The following ATP10A variants were observed in gnomAD, a reference collection of about 807,000 sequenced individuals.
ATP10A encodes ATPase phospholipid transporting 10A (putative).
ATP10A carries 111 observed loss-of-function variants against 147.8 expected under a neutral mutation model. The observed-to-expected ratio is 0.75, with a 90% confidence interval of 0.64 to 0.88. ATP10A has a LOEUF of 0.88. Among genes scored for constraint, ATP10A ranks in the 40% least tolerant of loss-of-function variants. ATP10A has a pLI of 0.00. For missense variants in ATP10A, 1,927 were observed against 1,959.0 expected (o/e 0.98, Z 0.31); for synonymous variants, 875 against 841.6 (o/e 1.04, Z -0.69).
intron 1 of ATP10A, among the ~76,000 whole-genome samples, chr15:25,803,681 C>T (rs28593663): frequency 2.6e-4 from 39 of 147,962 alleles, no homozygotes; most frequent in African/African-American, 9.4e-4. Context: ...GCTTGCACTT[C>T]CGGGACAGCC....
At chr15:25,828,972 T>C (rs797016817) in intron 1 of ATP10A, among the ~76,000 whole-genome samples, 1 of 152,142 alleles carries the variant, frequency 6.6e-6, no homozygotes, top group African/African-American at 2.4e-5. Context: ...GGCAACCTTA[T>C]TAATAAAGCT....
chr15:25,764,609 G>A (rs1036126526), intron 2 of ATP10A, among the ~76,000 whole-genome samples: 1 of 152,156 alleles, frequency 6.6e-6, no homozygotes, highest in Non-Finnish European at 1.5e-5. Context: ...ATCTACTGGC[G>A]CCTCAATCTT....
intron 1 of ATP10A, among the ~76,000 whole-genome samples, chr15:25,854,663 G>A (rs11632996): frequency 0.29 from 44,151 of 151,922 alleles, 6,654 homozygotes; most frequent in Middle Eastern, 0.39. Context: ...TTACAACTCC[G>A]CACAAAGAAA....
intron 2 of ATP10A, among the ~76,000 whole-genome samples, chr15:25,761,328 G>A (rs905381667): frequency 9.2e-5 from 14 of 152,340 alleles, no homozygotes; most frequent in Admixed American, 3.3e-4. Flanking sequence ...ACATACCCGA[G>A]ACTGGGTAAT....
intron 1 of ATP10A, among the ~76,000 whole-genome samples, chr15:25,808,532 G>A (rs901195926): frequency 6.6e-6 from 1 of 152,198 alleles, no homozygotes; most frequent in African/African-American, 2.4e-5. Flanking sequence ...TTACAGGCAT[G>A]CGCCACCACG....
chr15:25,724,230 C>T (rs942320365), intron 5 of ATP10A, among the ~76,000 whole-genome samples: 1 of 152,188 alleles, frequency 6.6e-6, no homozygotes, highest in Non-Finnish European at 1.5e-5. Flanking sequence ...TGGTCTCTTC[C>T]TTACACTGAG....
Position 25,679,963 on chromosome 15 carries a change from C to G in ATP10A, c.3878G>C (p.Arg1293Thr). Residue 1293 changes from arginine to threonine, a missense_variant, in exon 21 of 21, where the codon AGA becomes ACA. By Grantham distance (71) the Arg-to-Thr change is moderately conservative (BLOSUM62 -1). Transcript: ENST00000555815. Reference sequence around the variant, plus strand: ...GGGGAAAACCCTCCCCTGGAGGGATCTGAAAAACAATCTAGAAAAAGTACA... The same window carrying G: ...GGGGAAAACCCTCCCCTGGAGGGATGTGAAAAACAATCTAGAAAAAGTACA... ...VAALLPRLFF[R>T]SLQGRVFPTQ... 6.3e-7 allele frequency: 1 copy of G among 1,592,366 alleles called. No homozygotes were observed. The highest frequency in any genetic ancestry group is 8.6e-7 in the Non-Finnish European group (1 of 1,165,526).
chr15:25,773,116 T>C (rs1247327894), intron 2 of ATP10A, among the ~76,000 whole-genome samples: 1 of 152,106 alleles, frequency 6.6e-6, no homozygotes, highest in African/African-American at 2.4e-5. Flanking sequence ...TCCTTAAAGG[T>C]CGATTCCTTT....
chr15:25,752,319 T>TA (rs779536273), intron 2 of ATP10A, among the ~76,000 whole-genome samples: 40 of 152,336 alleles, frequency 2.6e-4, no homozygotes, highest in Middle Eastern at 6.8e-3. Flanking sequence ...TATTCAGCTT[T>TA]AAAAAGAAGG....
chr15:25,836,382 T>C (rs554860937), intron 1 of ATP10A, among the ~76,000 whole-genome samples: 1 of 151,768 alleles, frequency 6.6e-6, no homozygotes, highest in East Asian at 1.9e-4. Context: ...TTTCCGCGGG[T>C]TGTCTGAACC....
rs1166862190 is a variant in ATP10A at position 25,854,664 on chromosome 15, CA to C, written c.449+7983del. On this transcript the variant is annotated intron_variant, in intron 1 of 20. Transcript: ENST00000555815. The stretch of plus-strand genomic sequence containing the variant: ...TGCAATAGTAATCTTTACAACTCCG[CA>C]CAAAGAAAAGCCCAGGCTCAGACTG... 2.0e-5 allele frequency among the ~76,000 whole-genome samples: 3 copies of C among 152,184 alleles called. No homozygotes were observed. In the East Asian group the frequency reaches 5.8e-4, roughly 29 times the overall value.
chr15:25,770,688 C>T (rs969342292), intron 2 of ATP10A, among the ~76,000 whole-genome samples: 1 of 152,172 alleles, frequency 6.6e-6, no homozygotes, highest in Non-Finnish European at 1.5e-5. Flanking sequence ...AGATGAACCG[C>T]TCTCACTGGC....
At chr15:25,815,306 T>G (rs1243198126) in intron 1 of ATP10A, among the ~76,000 whole-genome samples, 1 of 152,218 alleles carries the variant, frequency 6.6e-6, no homozygotes, top group East Asian at 1.9e-4. Flanking sequence ...AGAACATGCA[T>G]GGGCTTCTTG....
chr15:25,800,306 T>A (rs941484735), intron 1 of ATP10A, among the ~76,000 whole-genome samples: 41 of 152,180 alleles, frequency 2.7e-4, no homozygotes, highest in Non-Finnish European at 5.9e-5. Context: ...CTGGACAAGA[T>A]AAGCCGCTTC....
At chr15:25,696,617 T>C (rs1432036914) in intron 13 of ATP10A, among the ~76,000 whole-genome samples, 1 of 152,154 alleles carries the variant, frequency 6.6e-6, no homozygotes, top group Non-Finnish European at 1.5e-5. Flanking sequence ...CTAAGGACAC[T>C]GAATGGGTGG....
Position 25,729,329 on chromosome 15 carries a change from C to T in ATP10A, c.741-2063G>A, listed in dbSNP as rs147459411. The stretch of plus-strand genomic sequence containing the variant: ...TGGTGAAACCCCGTCACCAGGTGTC[C>T]TTGACTCCTCCCCCATTTTTACATC... On this transcript the variant is annotated intron_variant, in intron 3 of 20. Coordinates refer to ENST00000555815, the MANE Select transcript of ATP10A (RefSeq NM_024490.4). Among the ~76,000 whole-genome samples, 13 of 152,254 alleles carry T rather than the reference C, an allele frequency of 8.5e-5. No homozygotes were observed. In the East Asian group the frequency reaches 2.5e-3, roughly 30 times the overall value.
At chr15:25,738,588 C>G (rs954579732) in intron 2 of ATP10A, 2 of 152,150 alleles carry the variant, frequency 1.3e-5, no homozygotes, top group Non-Finnish European at 2.9e-5. Context: ...GGATGGGAGA[C>G]ACAATTTAAA....
chr15:25,817,227 C>A (rs1430375576), intron 1 of ATP10A, among the ~76,000 whole-genome samples: 1 of 152,056 alleles, frequency 6.6e-6, no homozygotes, highest in African/African-American at 2.4e-5. Flanking sequence ...GGATTACAGG[C>A]GCCCGCCACC....
At chr15:25,864,792 A>C (rs1232893069), upstream of ATP10A, among the ~76,000 whole-genome samples, 6 of 152,176 alleles carry the variant, frequency 3.9e-5, no homozygotes. Context: ...CAGCGCCTGC[A>C]GTCTTGAGGC....
Sources: allele counts gnomAD v4.1 joint callset (sites outside exome capture counted in the v4.1 genomes callset), GRCh38; gene constraint gnomAD v4.1.1; transcripts MANE v1.5; gene names NCBI Gene and HGNC (gene_info 2026-07-23, HGNC 2026-07-21).